HTR2C: variants seen among roughly 807,000 people sequenced by gnomAD.
HTR2C encodes the protein 5-hydroxytryptamine (serotonin) receptor 2C, G protein-coupled.
HTR2C carries 5 observed loss-of-function variants against 21.0 expected under a neutral mutation model. The observed-to-expected ratio is 0.24, with a 90% confidence interval of 0.12 to 0.50. HTR2C has a LOEUF of 0.50. Among genes scored for constraint, HTR2C ranks in the 20% least tolerant of loss-of-function variants. HTR2C has a pLI of 0.98. For missense variants in HTR2C, 271 were observed against 371.2 expected, an observed-to-expected ratio of 0.73 and a Z score of 2.22; for synonymous variants, 150 against 145.3, an observed-to-expected ratio of 1.03 and a Z score of -0.23.
chrX:114,829,870 T>TC (rs2070706223), intron 4 of HTR2C, among the ~76,000 whole-genome samples: 2 of 111,650 alleles, frequency 1.8e-5, no homozygotes, highest in African/African-American at 6.5e-5. Flanking sequence ...ATTGTTTGAT[T>TC]ATAATAGCTT....
chrX:114,790,432 T>C (rs1556443191), intron 4 of HTR2C, among the ~76,000 whole-genome samples: 1 of 111,858 alleles, frequency 8.9e-6, no homozygotes, highest in Admixed American at 9.6e-5. Context: ...AAAATACCAT[T>C]ACAGTGAAAT....
intron 2 of HTR2C, among the ~76,000 whole-genome samples, chrX:114,617,976 A>G (rs1929014972): frequency 8.9e-6 from 1 of 112,176 alleles, no homozygotes; most frequent in African/African-American, 3.2e-5. Flanking sequence ...ATGAACATAC[A>G]CATTTAAAGC....
rs781953448 is a variant in HTR2C at position 114,907,455 on chromosome X, T to C, written c.*40T>C. 2 of 996,791 alleles carry C rather than the reference T, an allele frequency of 2.0e-6. No individual in the cohort carries two copies. Among genetic ancestry groups the C allele is most frequent in the Admixed American group, 5.4e-5 (2 of 36,738 alleles). 82.1% of individuals were successfully genotyped at this position (996,791 alleles called of 1,213,427 possible). A position where few individuals can be genotyped will look rare whatever the true frequency, so the allele number is the denominator to read the frequency against. On this transcript the variant is annotated 3_prime_UTR_variant, in exon 6 of 6. Transcript: ENST00000276198. Reference sequence around the variant, plus strand: ...GTCTTTTCCTACGGTACAAGCTACATATGTAGGAAAATTTTCTTCTTTAAT... The same window carrying C: ...GTCTTTTCCTACGGTACAAGCTACACATGTAGGAAAATTTTCTTCTTTAAT...
intron 2 of HTR2C, among the ~76,000 whole-genome samples, chrX:114,665,331 C>T (rs1361780689): frequency 9.0e-6 from 1 of 111,731 alleles, no homozygotes; most frequent in Non-Finnish European, 1.9e-5. Flanking sequence ...CATTTTTGTT[C>T]GATCTGCTCT....
At chrX:114,624,153 C>A (rs990826752) in intron 2 of HTR2C, among the ~76,000 whole-genome samples, 1 of 109,932 alleles carries the variant, frequency 9.1e-6, no homozygotes, top group African/African-American at 3.3e-5. Context: ...GCCTCAGCCT[C>A]CCAAAGTGCT....
Position 114,830,679 on chromosome X carries a change from T to C in HTR2C, c.350-17324T>C, listed in dbSNP as rs936357704. On this transcript the variant is annotated intron_variant, in intron 4 of 5. Transcript: ENST00000276198. ...AGATAAACTTTATTTTATTTTTTTA[T>C]GGAGAGTGCTGTTTTTTGTTTTTTT... Among the ~76,000 whole-genome samples the C allele has an allele frequency of 5.8e-5, 6 of 103,800 alleles. No individual in the cohort carries two copies. In the South Asian group the frequency reaches 2.5e-3, roughly 44 times the overall value. The allele number at this position is 103,800 out of a possible 115,157, so 90.1% of individuals were successfully genotyped here. A position where few individuals can be genotyped will look rare whatever the true frequency, so the allele number is the denominator to read the frequency against.
intron 4 of HTR2C, among the ~76,000 whole-genome samples, chrX:114,814,878 T>G (rs2070568431): frequency 9.9e-6 from 1 of 101,373 alleles, no homozygotes. Flanking sequence ...TGATATATAC[T>G]ATAGAATATA....
intron 5 of HTR2C, among the ~76,000 whole-genome samples, chrX:114,854,938 G>T (rs782087805): frequency 9.0e-6 from 1 of 111,511 alleles, no homozygotes; most frequent in Non-Finnish European, 1.9e-5. Context: ...TCAAAAGAAG[G>T]CATACAAATG....
At chrX:114,634,801 G>T (rs961062605) in intron 2 of HTR2C, among the ~76,000 whole-genome samples, 9 of 110,028 alleles carry the variant, frequency 8.2e-5, no homozygotes, top group Non-Finnish European at 1.3e-4. Context: ...GACAGAGTGA[G>T]ACCCCATCTT....
intron 2 of HTR2C, among the ~76,000 whole-genome samples, chrX:114,672,204 T>A (rs1602677624): frequency 8.9e-6 from 1 of 111,837 alleles, no homozygotes; most frequent in East Asian, 2.8e-4. Context: ...TGTATAATCA[T>A]ATTTTAACCT....
At chrX:114,668,952 G>A (rs1416867107) in intron 2 of HTR2C, among the ~76,000 whole-genome samples, 2 of 110,958 alleles carry the variant, frequency 1.8e-5, no homozygotes. Flanking sequence ...TTTGAAATAA[G>A]TGACTTTTGT....
chrX:114,757,986 C>T (rs1200961258), intron 4 of HTR2C, among the ~76,000 whole-genome samples: 2 of 110,979 alleles, frequency 1.8e-5, no homozygotes, highest in Non-Finnish European at 3.8e-5. Context: ...CACACACACA[C>T]ACACAGAAAT....
At chrX:114,603,952 G>T (rs781785437) in intron 1 of HTR2C, among the ~76,000 whole-genome samples, 2 of 103,438 alleles carry the variant, frequency 1.9e-5, no homozygotes, top group East Asian at 6.2e-4. Flanking sequence ...TGGGGGAATT[G>T]TAAGGAGAGT....
intron 1 of HTR2C, among the ~76,000 whole-genome samples, chrX:114,612,274 G>A (rs1556398884): frequency 9.0e-6 from 1 of 111,307 alleles, no homozygotes; most frequent in Admixed American, 9.6e-5. Flanking sequence ...TCATAACTTT[G>A]ATGATCTTTA....
chrX:114,754,239 T>G (rs782500115), intron 4 of HTR2C, among the ~76,000 whole-genome samples: 5 of 111,603 alleles, frequency 4.5e-5, no homozygotes, highest in African/African-American at 1.6e-4. Context: ...TTCTCAAATT[T>G]ATTTAATGCA....
intron 2 of HTR2C, among the ~76,000 whole-genome samples, chrX:114,718,236 T>A (rs897546948): frequency 5.6e-5 from 2 of 35,934 alleles, no homozygotes; most frequent in African/African-American, 1.2e-4. Flanking sequence ...CTCTGTCCCA[T>A]AGTTTTTAAC....
chrX:114,742,256 C>A (rs1206735041), intron 4 of HTR2C, among the ~76,000 whole-genome samples: 3 of 111,442 alleles, frequency 2.7e-5, no homozygotes, highest in Non-Finnish European at 5.6e-5. Context: ...TGCGTTTAAA[C>A]CTGAAAAAGT....
intron 5 of HTR2C, among the ~76,000 whole-genome samples, chrX:114,885,990 CA>C (rs1436307028): frequency 9.1e-6 from 1 of 110,216 alleles, no homozygotes; most frequent in Non-Finnish European, 1.9e-5. Flanking sequence ...GTCTAATTAT[CA>C]CTTCATTTCT....
intron 4 of HTR2C, among the ~76,000 whole-genome samples, chrX:114,817,848 T>C (rs2147456274): frequency 9.0e-6 from 1 of 111,606 alleles, no homozygotes; most frequent in African/African-American, 3.3e-5. Context: ...ATTCTGTTTA[T>C]GAGGCCAATA....
Sources: allele counts gnomAD v4.1 joint callset (sites outside exome capture counted in the v4.1 genomes callset), GRCh38; gene constraint gnomAD v4.1.1; transcripts MANE v1.5; gene names NCBI Gene and HGNC (gene_info 2026-07-23, HGNC 2026-07-21).